TCERG1: variants seen among roughly 807,000 people sequenced by gnomAD.
TCERG1 encodes the protein transcription elongation regulator 1, also known as TATA box binding protein (TBP)-associated factor, RNA polymerase II, S, 150kD.
Under a neutral mutation model 144.7 loss-of-function variants are expected in TCERG1, and 37 were observed. The ratio of observed to expected loss-of-function variants is 0.26; its 90% CI spans 0.20 to 0.34. TCERG1 has a LOEUF of 0.34. Ranked by LOEUF, TCERG1 falls within the 10% of genes least tolerant of loss-of-function variation. The pLI, the probability that TCERG1 is intolerant of heterozygous loss-of-function variation, is 1.00. For missense variants in TCERG1, 1,027 were observed against 1,380.7 expected (o/e 0.74, Z 4.06); for synonymous variants, 492 against 458.2 (o/e 1.07, Z -0.94).
At chr5:146,494,839 C>A (rs187725951) in intron 16 of TCERG1, among the ~76,000 whole-genome samples, 12 of 152,178 alleles carry the variant, frequency 7.9e-5, no homozygotes, top group Admixed American at 6.5e-4. Flanking sequence ...TAAGTCATAC[C>A]TCCCACAGTC....
intron 22 of TCERG1, 98 bp from the exon 23 acceptor site, chr5:146,510,342 TG>T (rs1768361049): frequency 1.5e-6 from 1 of 663,456 alleles, no homozygotes; most frequent in Non-Finnish European, 2.2e-6. Flanking sequence ...AAAAAAAAAA[TG>T]GAAACACAAT....
intron 17 of TCERG1, among the ~76,000 whole-genome samples, chr5:146,501,209 C>G (rs1056306992): frequency 2.0e-5 from 3 of 152,070 alleles, no homozygotes; most frequent in Admixed American, 6.6e-5. Flanking sequence ...TCTCTTCCCT[C>G]TCTTTTAAAT....
At chr5:146,473,233 A>T (rs898220293) in intron 9 of TCERG1, among the ~76,000 whole-genome samples, 18 of 152,224 alleles carry the variant, frequency 1.2e-4, no homozygotes, top group African/African-American at 4.3e-4. Context: ...TAGATGATCA[A>T]ACCAGCTACA....
At chr5:146,460,321 G>A (rs1007346633) in intron 4 of TCERG1, among the ~76,000 whole-genome samples, 1 of 151,714 alleles carries the variant, frequency 6.6e-6, no homozygotes, top group African/African-American at 2.4e-5. Flanking sequence ...TCTTTTTGGG[G>A]GGTTTCTTTC....
chr5:146,467,059 TA>T (rs1763857250), intron 5 of TCERG1, among the ~76,000 whole-genome samples: 1 of 152,250 alleles, frequency 6.6e-6, no homozygotes, highest in Non-Finnish European at 1.5e-5. Context: ...ATTATACATA[TA>T]ACTTTATTCA....
intron 19 of TCERG1, chr5:146,505,398 G>A (rs1301744730): frequency 6.6e-6 from 1 of 152,156 alleles, no homozygotes; most frequent in African/African-American, 2.4e-5. Flanking sequence ...TTTCCTACAG[G>A]TCACATTTAG....
At chr5:146,500,531 A>G (rs575877229) in intron 17 of TCERG1, among the ~76,000 whole-genome samples, 1 of 152,284 alleles carries the variant, frequency 6.6e-6, no homozygotes, top group African/African-American at 2.4e-5. Context: ...TGATAGTTGA[A>G]TCAATAGCTG....
In TCERG1 at chr5:146,511,679, G is replaced by A. The variant is rs1483639107; in HGVS notation, c.*1037G>A. 6.6e-6 allele frequency: 1 copy of A among 152,518 alleles called. No homozygotes were observed. Among genetic ancestry groups the A allele is most frequent in the African/African-American group, 2.4e-5 (1 of 41,444 alleles). The allele number at this position is 152,518 out of a possible 1,614,324, so 9.4% of individuals were successfully genotyped here. A position where few individuals can be genotyped will look rare whatever the true frequency, so the allele number is the denominator to read the frequency against. On this transcript the variant is annotated 3_prime_UTR_variant, in exon 23 of 23. Transcript: ENST00000679501. ...GCAGTATTTGCAGTATAAAAAGGAA[G>A]GAATTTGTAGAGAATCATTTTGGTG...
intron 3 of TCERG1, among the ~76,000 whole-genome samples, chr5:146,458,415 T>C (rs575014249): frequency 7.2e-5 from 11 of 152,078 alleles, no homozygotes; most frequent in Admixed American, 6.5e-4. Flanking sequence ...TGACCTCAGG[T>C]GATCTGCTCA....
At chr5:146,465,911 T>C (rs1763739063) in intron 5 of TCERG1, among the ~76,000 whole-genome samples, 1 of 150,988 alleles carries the variant, frequency 6.6e-6, no homozygotes, top group Non-Finnish European at 1.5e-5. Flanking sequence ...GCCCAGCTAC[T>C]CGGGAGGCTG....
rs1225026619 is a variant in TCERG1 at position 146,482,435 on chromosome 5, C to G, written c.1938-157C>G. 2.1e-5 allele frequency: 11 copies of G among 535,308 alleles called. No individual in the cohort carries two copies. In the East Asian group the frequency reaches 3.2e-4, roughly 16 times the overall value. The allele number at this position is 535,308 out of a possible 1,614,324, so 33.2% of individuals were successfully genotyped here. A position where few individuals can be genotyped will look rare whatever the true frequency, so the allele number is the denominator to read the frequency against. On this transcript the variant is annotated intron_variant, in intron 13 of 22. Coordinates refer to ENST00000679501, the MANE Select transcript of TCERG1 (RefSeq NM_001382548.1). ...TTTTGTTATTATGAAAGTTATTTAT[C>G]CCTTAGAGTTCATTTGAAACCCTCA...
intron 9 of TCERG1, among the ~76,000 whole-genome samples, chr5:146,472,504 A>C (rs926475685): frequency 2.0e-5 from 3 of 152,110 alleles, no homozygotes; most frequent in African/African-American, 7.2e-5. Context: ...CACAAACCAC[A>C]CCCATGTAAG....
chr5:146,464,603 GC>G (rs1763615802), intron 5 of TCERG1, among the ~76,000 whole-genome samples: 1 of 152,152 alleles, frequency 6.6e-6, no homozygotes, highest in African/African-American at 2.4e-5. Context: ...AAATTTGAAT[GC>G]ATTAGTTTTT....
Position 146,510,639 on chromosome 5 carries a change from A to G in TCERG1, c.3345A>G (p.Lys1115=). The change falls in exon 23 of 23, where the codon AAA becomes AAG. Residue 1115 remains lysine (K), a synonymous_variant. Transcript: ENST00000679501. ...CGGAGCCCACGAGACGATCAACAAA[A>G]TAATTCTAAATACTCTTCCATAGGG... ...TASEPTRRST[K] is the part of the protein sequence containing the mutation. 1.2e-6 allele frequency: 2 copies of G among 1,611,872 alleles called. No individual in the cohort carries two copies. The highest frequency in any genetic ancestry group is 1.7e-6 in the Non-Finnish European group (2 of 1,179,120).
At chr5:146,472,728 T>TGTGTGTGTGTGTGTGTGTG (rs1561660643) in intron 9 of TCERG1, among the ~76,000 whole-genome samples, 20 of 150,662 alleles carry the variant, frequency 1.3e-4, no homozygotes, top group East Asian at 5.9e-4. Flanking sequence ...TGTGTGTGTG[T>TGTGTGTGTGTGTGTGTGTG]TTTGAGACGG....
chr5:146,470,133 A>G (rs937534736), intron 7 of TCERG1, among the ~76,000 whole-genome samples: 3 of 152,148 alleles, frequency 2.0e-5, no homozygotes, highest in Non-Finnish European at 4.4e-5. Flanking sequence ...GATGTAGAAG[A>G]TTCATAATTT....
Position 146,503,539 on chromosome 5 carries a change from G to GGT in TCERG1, c.2598+1_2598+2dup, listed in dbSNP as rs760539243. On this transcript the variant is annotated frameshift_variant and splice_region_variant. Transcript: ENST00000679501. LOFTEE classifies it high-confidence loss of function. The stretch of plus-strand genomic sequence containing the variant: ...AACAGTACATTGAAAAAATAGCCAA[G>GGT]GTAACTGTTGTGTTTACTTGTATTG... 2 of 1,612,990 alleles carry GGT rather than the reference G, an allele frequency of 1.2e-6. No individual in the cohort carries two copies. The highest frequency in any genetic ancestry group is 2.2e-5 in the South Asian group (2 of 90,938).
At chr5:146,457,378 G>C (rs980641383) in intron 3 of TCERG1, 43 bp downstream of exon 3, 2 of 1,535,670 alleles carry the variant, frequency 1.3e-6, no homozygotes, top group Non-Finnish European at 1.8e-6. Context: ...GTTGACAGAG[G>C]AGTAAAACTT....
intron 17 of TCERG1, 74 bp from the exon 18 acceptor site, chr5:146,503,301 A>C: frequency 2.1e-6 from 3 of 1,434,006 alleles, no homozygotes; most frequent in Non-Finnish European, 2.8e-6. Context: ...TCTAGTTGTA[A>C]ATATTTAAGA....
Sources: gnomAD v4.1 joint callset for allele counts (sites outside exome capture counted in the v4.1 genomes callset) on GRCh38, gnomAD v4.1.1 for gene constraint, MANE v1.5 for transcripts, NCBI Gene and HGNC (gene_info 2026-07-23, HGNC 2026-07-21) for gene names.